The following ANKRD45 variants were observed in gnomAD, a reference collection of about 807,000 sequenced individuals.
The protein encoded by ANKRD45 is ankyrin repeat domain-containing protein 45.
Under a neutral mutation model 28.1 loss-of-function variants are expected in ANKRD45, and 21 were observed. The ratio of observed to expected loss-of-function variants is 0.75; its 90% CI spans 0.53 to 1.08. ANKRD45 has a LOEUF of 1.08. Among genes scored for constraint, ANKRD45 ranks in the 50% least tolerant of loss-of-function variants. The pLI, the probability that ANKRD45 is intolerant of heterozygous loss-of-function variation, is 0.00. For missense variants in ANKRD45, 261 were observed against 308.7 expected (o/e 0.85, Z 1.16); for synonymous variants, 86 against 103.9 (o/e 0.83, Z 1.05).
At chr1:173,665,693 C>G (rs1306903158) in intron 1 of ANKRD45, among the ~76,000 whole-genome samples, 1 of 151,956 alleles carries the variant, frequency 6.6e-6, no homozygotes, top group Non-Finnish European at 1.5e-5. Context: ...TGAGTTATAT[C>G]TAAATTAATA....
the ANKRD45 span, among the ~76,000 whole-genome samples, chr1:173,676,834 CAAAA>C: frequency 4.0e-5 from 4 of 98,800 alleles, no homozygotes; most frequent in Admixed American, 1.2e-4. Context: ...GACTCCATCT[CAAAA>C]AAAAAAAAAA....
the ANKRD45 span, among the ~76,000 whole-genome samples, chr1:173,688,488 C>T: frequency 1.3e-5 from 2 of 148,698 alleles, no homozygotes; most frequent in Non-Finnish European, 1.5e-5. Flanking sequence ...CTCTCTCTCT[C>T]TGCCTCTTCC....
chr1:173,649,173 G>A (rs1669066046), intron 2 of ANKRD45, among the ~76,000 whole-genome samples: 2 of 152,134 alleles, frequency 1.3e-5, no homozygotes, highest in Admixed American at 6.5e-5. Flanking sequence ...AGCAATATTT[G>A]AATAATCATC....
chr1:173,660,049 T>C (rs961197924), intron 1 of ANKRD45, among the ~76,000 whole-genome samples: 2 of 152,182 alleles, frequency 1.3e-5, no homozygotes, highest in African/African-American at 4.8e-5. Flanking sequence ...TTAGAAGCAA[T>C]AAGATTAATT....
upstream of ANKRD45, among the ~76,000 whole-genome samples, chr1:173,673,441 T>C (rs1242645751): frequency 6.6e-6 from 1 of 152,162 alleles, no homozygotes; most frequent in Non-Finnish European, 1.5e-5. Flanking sequence ...GACTGAGTCA[T>C]GTCCGTTGTA....
At chr1:173,641,225 C>T (rs1001286296) in intron 3 of ANKRD45, among the ~76,000 whole-genome samples, 1 of 152,212 alleles carries the variant, frequency 6.6e-6, no homozygotes, top group Non-Finnish European at 1.5e-5. Flanking sequence ...ATATTCCATT[C>T]GCACTTTAAA....
chr1:173,680,981 G>A, the ANKRD45 span, among the ~76,000 whole-genome samples: 21 of 148,626 alleles, frequency 1.4e-4, no homozygotes, highest in African/African-American at 4.7e-4. Context: ...GGGGGGAGGC[G>A]GGGTGGGGGA....
At chr1:173,713,456 G>A in the ANKRD45 span, among the ~76,000 whole-genome samples, 2 of 152,090 alleles carry the variant, frequency 1.3e-5, no homozygotes, top group South Asian at 4.1e-4. Context: ...AAGCTAATGA[G>A]AGACCACCAG....
At chr1:173,623,287 T>C (rs1387824537) in intron 5 of ANKRD45, among the ~76,000 whole-genome samples, 18 of 149,148 alleles carry the variant, frequency 1.2e-4, no homozygotes, top group Non-Finnish European at 2.4e-4. Context: ...CCAGTCTGAG[T>C]GACAAGAGTG....
At chr1:173,713,868 T>C in the ANKRD45 span, among the ~76,000 whole-genome samples, 1 of 152,070 alleles carries the variant, frequency 6.6e-6, no homozygotes, top group African/African-American at 2.4e-5. Flanking sequence ...CTGATTTGAG[T>C]AATAATAAAA....
At chr1:173,679,837 A>C in the ANKRD45 span, among the ~76,000 whole-genome samples, 5 of 152,238 alleles carry the variant, frequency 3.3e-5, no homozygotes, top group African/African-American at 1.2e-4. Flanking sequence ...AAGAACTTAA[A>C]TTTACAAGAA....
intron 2 of ANKRD45, among the ~76,000 whole-genome samples, chr1:173,653,130 C>T (rs994923240): frequency 6.6e-6 from 1 of 151,954 alleles, no homozygotes; most frequent in Non-Finnish European, 1.5e-5. Flanking sequence ...TATTTCTTGC[C>T]TTCTGCTAGC....
At chr1:173,651,268 C>T (rs1262176044) in intron 2 of ANKRD45, among the ~76,000 whole-genome samples, 4 of 152,036 alleles carry the variant, frequency 2.6e-5, no homozygotes, top group Non-Finnish European at 5.9e-5. Flanking sequence ...TTGACTTTAG[C>T]ATAAGGTGTA....
the ANKRD45 span, among the ~76,000 whole-genome samples, chr1:173,680,074 CT>C: frequency 1.2e-4 from 18 of 152,296 alleles, no homozygotes; most frequent in African/African-American, 4.3e-4. Flanking sequence ...AATAAGAATG[CT>C]TTTACACTGT....
chr1:173,635,546 A>G, intron 3 of ANKRD45: 1 of 1,530,982 alleles, frequency 6.5e-7, no homozygotes. Flanking sequence ...ACTACCGCTG[A>G]TTTTTTCTCT....
chr1:173,613,510 GC>G (rs1419181629), intron 5 of ANKRD45, among the ~76,000 whole-genome samples: 2 of 148,926 alleles, frequency 1.3e-5, no homozygotes, highest in African/African-American at 2.5e-5. Context: ...GGAGGTGGGG[GC>G]TCAGCCCCCG....
At chr1:173,649,161 TAAGC>T (rs1382292912) in intron 2 of ANKRD45, among the ~76,000 whole-genome samples, 1 of 152,218 alleles carries the variant, frequency 6.6e-6, no homozygotes, top group African/African-American at 2.4e-5. Context: ...TTAACTGTTA[TAAGC>T]AATATTTGAA....
At chr1:173,665,121 C>G (rs1014957286) in intron 1 of ANKRD45, among the ~76,000 whole-genome samples, 3 of 151,968 alleles carry the variant, frequency 2.0e-5, no homozygotes, top group African/African-American at 7.3e-5. Context: ...ATCCATGAAG[C>G]AAAAGAAAAG....
At chr1:173,698,269 G>A in the ANKRD45 span, among the ~76,000 whole-genome samples, 11 of 152,138 alleles carry the variant, frequency 7.2e-5, 1 homozygote, top group South Asian at 2.3e-3. Context: ...CATGACAGGA[G>A]GTTAGACACA....
Sources: gnomAD v4.1 joint callset for allele counts (sites outside exome capture counted in the v4.1 genomes callset) on GRCh38, gnomAD v4.1.1 for gene constraint, MANE v1.5 for transcripts, NCBI Gene and HGNC (gene_info 2026-07-23, HGNC 2026-07-21) for gene names.